The following PDZRN3 variants were observed in gnomAD, a reference collection of about 807,000 sequenced individuals.
PDZRN3 encodes the protein E3 ubiquitin-protein ligase PDZRN3.
PDZRN3 carries 38 observed loss-of-function variants against 85.7 expected under a neutral mutation model. The observed-to-expected ratio is 0.44, with a 90% CI of 0.34 to 0.58. The LOEUF (loss-of-function observed/expected upper bound fraction) is 0.58. Ranked by LOEUF, PDZRN3 falls within the 20% of genes least tolerant of loss-of-function variation. PDZRN3 has a pLI of 0.01. For synonymous variants in PDZRN3, 759 were observed against 638.0 expected (o/e 1.19, Z -2.86); for missense variants, 1,629 against 1,506.4 (o/e 1.08, Z -1.35).
At chr3:73,385,863 C>T (rs1220482472) in intron 8 of PDZRN3, 78 bp from the exon 9 acceptor site, 4 of 841,316 alleles carry the variant, frequency 4.8e-6, no homozygotes, top group Non-Finnish European at 2.0e-6. Context: ...AATGACATTA[C>T]CTTGGGGGAA....
At chr3:73,542,894 G>A (rs184891582) in intron 3 of PDZRN3, among the ~76,000 whole-genome samples, 1 of 152,126 alleles carries the variant, frequency 6.6e-6, no homozygotes, top group Non-Finnish European at 1.5e-5. Context: ...CATCAAATTT[G>A]GTACTTCAGG....
intron 3 of PDZRN3, among the ~76,000 whole-genome samples, chr3:73,478,293 G>A (rs1355722855): frequency 6.6e-6 from 1 of 152,042 alleles, no homozygotes; most frequent in Non-Finnish European, 1.5e-5. Context: ...CCCATCACTT[G>A]CATCACCACC....
At chr3:73,586,318 C>T (rs1387684353) in intron 3 of PDZRN3, among the ~76,000 whole-genome samples, 2 of 152,148 alleles carry the variant, frequency 1.3e-5, no homozygotes, top group Non-Finnish European at 2.9e-5. Context: ...GAGGTGTTGT[C>T]GAAGTATCAA....
At chr3:73,523,844 C>T (rs1704455796) in intron 3 of PDZRN3, among the ~76,000 whole-genome samples, 1 of 152,130 alleles carries the variant, frequency 6.6e-6, no homozygotes, top group African/African-American at 2.4e-5. Context: ...ACAGATGCAA[C>T]TGGCAGAAAG....
At chr3:73,588,244 C>A (rs1164692540) in intron 3 of PDZRN3, among the ~76,000 whole-genome samples, 5 of 152,172 alleles carry the variant, frequency 3.3e-5, no homozygotes, top group African/African-American at 9.7e-5. Flanking sequence ...TCATCCACGT[C>A]CCTGCAAAGG....
chr3:73,389,770 T>G (rs780069110), intron 7 of PDZRN3, 46 bp downstream of exon 7: 168 of 1,346,458 alleles, frequency 1.2e-4, no homozygotes, highest in Non-Finnish European at 1.7e-4. Flanking sequence ...AGTTTGTTCT[T>G]TAGTGATAGG....
intron 8 of PDZRN3, among the ~76,000 whole-genome samples, chr3:73,387,506 C>T (rs560445459): frequency 3.9e-5 from 6 of 152,320 alleles, no homozygotes; most frequent in African/African-American, 7.2e-5. Context: ...AAGTGCTCCA[C>T]GGAGGGCCTA....
chr3:73,584,890 T>C (rs1702256897), intron 3 of PDZRN3, among the ~76,000 whole-genome samples: 1 of 152,204 alleles, frequency 6.6e-6, no homozygotes, highest in Non-Finnish European at 1.5e-5. Context: ...AAAACATCCA[T>C]TTGAATGACT....
intron 3 of PDZRN3, among the ~76,000 whole-genome samples, chr3:73,549,761 T>C (rs1701509027): frequency 6.6e-6 from 1 of 152,196 alleles, no homozygotes; most frequent in Admixed American, 6.5e-5. Flanking sequence ...TCAAGTACCA[T>C]GTTTGTCTGA....
intron 3 of PDZRN3, among the ~76,000 whole-genome samples, chr3:73,421,720 T>C (rs537995699): frequency 6.6e-6 from 1 of 152,348 alleles, no homozygotes; most frequent in Admixed American, 6.5e-5. Flanking sequence ...TGATCTCGGC[T>C]CACTGCAACC....
chr3:73,391,778 T>C (rs1701532432), intron 5 of PDZRN3, among the ~76,000 whole-genome samples: 2 of 152,154 alleles, frequency 1.3e-5, no homozygotes, highest in Admixed American at 1.3e-4. Flanking sequence ...ACTTTGGAAA[T>C]TGTTGGAGCC....
intron 3 of PDZRN3, among the ~76,000 whole-genome samples, chr3:73,435,878 C>T (rs1575652675): frequency 6.6e-6 from 1 of 152,178 alleles, no homozygotes; most frequent in East Asian, 1.9e-4. Flanking sequence ...GGATTGAAAC[C>T]CAAATTCTTC....
chr3:73,510,258 A>G lies in PDZRN3; in HGVS notation c.918+92096T>C, dbSNP rs1205710631. On this transcript the variant is annotated intron_variant, in intron 3 of 9. Coordinates refer to ENST00000263666, the MANE Select transcript of PDZRN3 (RefSeq NM_015009.3). ...GCCAGAACTCAAGCACGACCGTAAT[A>G]AATATAGTTCATGGGTATGTAAAAC... 2.0e-5 allele frequency among the ~76,000 whole-genome samples: 3 copies of G among 152,194 alleles called. No homozygotes were observed. The East Asian group carries it at 5.8e-4, about 29-fold the overall frequency.
At chr3:73,402,180 A>G (rs909116934) in intron 4 of PDZRN3, among the ~76,000 whole-genome samples, 1 of 152,182 alleles carries the variant, frequency 6.6e-6, no homozygotes, top group African/African-American at 2.4e-5. Flanking sequence ...AGTCGCCCCC[A>G]GGGGATAAGT....
At chr3:73,405,040 A>G (rs1701825734) in intron 3 of PDZRN3, among the ~76,000 whole-genome samples, 1 of 152,174 alleles carries the variant, frequency 6.6e-6, no homozygotes, top group Non-Finnish European at 1.5e-5. Flanking sequence ...CAAAGCCTGC[A>G]CTTATTGAGT....
intron 3 of PDZRN3, among the ~76,000 whole-genome samples, chr3:73,575,906 T>C (rs922193267): frequency 6.6e-6 from 1 of 152,164 alleles, no homozygotes; most frequent in Admixed American, 6.5e-5. Context: ...TATATTTGAC[T>C]GCCAAAACTT....
chr3:73,480,035 A>G (rs572845299), intron 3 of PDZRN3, among the ~76,000 whole-genome samples: 4 of 152,314 alleles, frequency 2.6e-5, no homozygotes, highest in East Asian at 1.9e-4. Context: ...GGGCAATCCA[A>G]TTATGAAGAA....
chr3:73,529,991 T>C (rs1480543364), intron 3 of PDZRN3, among the ~76,000 whole-genome samples: 1 of 152,218 alleles, frequency 6.6e-6, no homozygotes, highest in Non-Finnish European at 1.5e-5. Context: ...AAGCATTCCA[T>C]AAATGTTAGC....
chr3:73,488,320 A>G (rs2106651838), intron 3 of PDZRN3, among the ~76,000 whole-genome samples: 1 of 152,272 alleles, frequency 6.6e-6, no homozygotes, highest in East Asian at 1.9e-4. Flanking sequence ...CTGTCTCCAA[A>G]TATCTGCCTG....
Sources: gnomAD v4.1 joint callset for allele counts (sites outside exome capture counted in the v4.1 genomes callset) on GRCh38, gnomAD v4.1.1 for gene constraint, MANE v1.5 for transcripts, NCBI Gene and HGNC (gene_info 2026-07-23, HGNC 2026-07-21) for gene names.